AIMP2: variants seen among roughly 807,000 people sequenced by gnomAD.
The protein encoded by AIMP2 is aminoacyl tRNA synthase complex-interacting multifunctional protein 2.
A neutral mutation model predicts 23.4 loss-of-function variants in AIMP2; 20 were observed. The ratio of observed to expected loss-of-function variants is 0.85; its 90% confidence interval spans 0.60 to 1.24. The LOEUF is 1.24. AIMP2 is among the 50% of genes most tolerant of loss of function. The pLI, the probability that AIMP2 is intolerant of heterozygous loss-of-function variation, is 0.00. For missense variants in AIMP2, 515 were observed against 414.5 expected, an observed-to-expected ratio of 1.24 and a Z score of -2.10; for synonymous variants, 210 against 170.4, an observed-to-expected ratio of 1.23 and a Z score of -1.81.
chr7:6,009,340 A>G lies in AIMP2; in HGVS notation c.-24A>G. The stretch of plus-strand genomic sequence containing the variant: ...TGAGCGTTGGCCTTTGGCACGCGCT[A>G]CCCCCTTTTGCTTTGGTTCTGCCAT... On this transcript the variant is annotated 5_prime_UTR_variant, in exon 1 of 4. Transcript: ENST00000223029. 2 of 1,611,674 alleles carry G rather than the reference A, an allele frequency of 1.2e-6. No individual in the cohort carries two copies. Among genetic ancestry groups the G allele is most frequent in the South Asian group, 1.1e-5 (1 of 90,986 alleles).
intron 3 of AIMP2, among the ~76,000 whole-genome samples, chr7:6,019,782 G>A (rs939599044): frequency 2.6e-5 from 4 of 152,048 alleles, no homozygotes; most frequent in Non-Finnish European, 4.4e-5. Context: ...CCAGAACTTT[G>A]GGAGAACGAG....
At chr7:6,009,624 G>GGT in intron 1 of AIMP2, 126 bp downstream of exon 1, 1 of 812,796 alleles carries the variant, frequency 1.2e-6, no homozygotes, top group Non-Finnish European at 1.7e-6. Context: ...TGTGCCGGCC[G>GGT]GCCAGGGACT....
chr7:6,019,881 G>A (rs1011432559), intron 3 of AIMP2, among the ~76,000 whole-genome samples: 3 of 151,936 alleles, frequency 2.0e-5, no homozygotes, highest in African/African-American at 7.3e-5. Flanking sequence ...AATTAGCTGG[G>A]CGTGGTGGTG....
intron 2 of AIMP2, 101 bp from the exon 3 acceptor site, chr7:6,017,713 G>A (rs966220352): frequency 3.1e-5 from 31 of 989,336 alleles, no homozygotes; most frequent in East Asian, 7.9e-5. Context: ...TGGAAGTGGC[G>A]GAGTCGGTTA....
intron 1 of AIMP2, among the ~76,000 whole-genome samples, chr7:6,011,597 T>C (rs993132837): frequency 2.6e-5 from 4 of 152,220 alleles, no homozygotes; most frequent in Non-Finnish European, 4.4e-5. Flanking sequence ...TTTTCTTTAA[T>C]GGCTTTCTGC....
intron 1 of AIMP2, among the ~76,000 whole-genome samples, chr7:6,010,264 T>C (rs928476405): frequency 2.8e-4 from 42 of 151,850 alleles, no homozygotes; most frequent in Admixed American, 6.6e-4. Flanking sequence ...TTTGAGGAAT[T>C]ACAAAGCGAA....
At chr7:6,012,139 G>C (rs1786727301) in intron 1 of AIMP2, among the ~76,000 whole-genome samples, 1 of 151,874 alleles carries the variant, frequency 6.6e-6, no homozygotes, top group African/African-American at 2.4e-5. Flanking sequence ...TGTAGTTCCA[G>C]CTACTCAGGA....
chr7:6,017,805 T>C lies in AIMP2; in HGVS notation c.343-9T>C. 6.2e-6 allele frequency: 10 copies of C among 1,610,662 alleles called. No individual in the cohort carries two copies. The highest frequency in any genetic ancestry group is 2.2e-5 in the East Asian group (1 of 44,754). ...CTGTTATTCGTACATTGTCTTGGTC[T>C]TTCCCCAGGATTACGGGGCGCTGAA... On this transcript the variant is annotated splice_polypyrimidine_tract_variant and intron_variant, in intron 2 of 3. Coordinates refer to ENST00000223029, the MANE Select transcript of AIMP2 (RefSeq NM_006303.4).
chr7:6,019,808 G>C (rs1191538995), intron 3 of AIMP2, among the ~76,000 whole-genome samples: 1 of 152,036 alleles, frequency 6.6e-6, no homozygotes, highest in Non-Finnish European at 1.5e-5. Context: ...CAGATCACGA[G>C]GTTAAGAGAT....
In AIMP2 at chr7:6,023,519, G is replaced by A. The variant is rs777357626; in HGVS notation, c.791G>A (p.Gly264Glu). Residue 264 changes from glycine to glutamate, a missense_variant, in exon 4 of 4, where the codon GGG becomes GAG. Transcript: ENST00000223029. ...TTCCGCTCCATGAACTCTGCTCTTGGGAAGAGCCCTTGGCTCGCTGGGAAT... is the reference window on the plus strand; with the variant it reads ...TTCCGCTCCATGAACTCTGCTCTTGAGAAGAGCCCTTGGCTCGCTGGGAAT... ...AVFRSMNSAL[G>E]KSPWLAGNEL... 1.2e-6 allele frequency: 2 copies of A among 1,614,090 alleles called. No individual in the cohort carries two copies. The highest frequency in any genetic ancestry group is 1.7e-6 in the Non-Finnish European group (2 of 1,180,040).
At chr7:6,022,177 G>C (rs1223447923) in intron 3 of AIMP2, 2 of 152,234 alleles carry the variant, frequency 1.3e-5, no homozygotes, top group Admixed American at 1.3e-4. Flanking sequence ...CTGGGCTCAA[G>C]TGATCCTCCC....
intron 1 of AIMP2, among the ~76,000 whole-genome samples, chr7:6,013,979 G>A (rs1786862286): frequency 6.6e-6 from 1 of 151,460 alleles, no homozygotes; most frequent in Admixed American, 6.6e-5. Flanking sequence ...ACAAGAAAAT[G>A]ATTTGTGGAA....
At chr7:6,012,963 A>T in intron 1 of AIMP2, 1 of 987,678 alleles carries the variant, frequency 1.0e-6, no homozygotes, top group Non-Finnish European at 1.2e-6. Context: ...AGGAGAGGTG[A>T]GAAAGTGCTG....
chr7:6,009,974 A>AATATACATATATATATAT, intron 1 of AIMP2, among the ~76,000 whole-genome samples: 1 of 26,674 alleles, frequency 3.7e-5, no homozygotes, highest in Non-Finnish European at 6.8e-5. Flanking sequence ...AAAAAAAAAA[A>AATATACATATATATATAT]ATATATATAT....
At chr7:6,012,910 TC>T in intron 1 of AIMP2, 5 of 989,288 alleles carry the variant, frequency 5.1e-6, no homozygotes, top group Non-Finnish European at 6.0e-6. Context: ...TCAGTGGACT[TC>T]ACATTTCTCT....
Position 6,015,258 on chromosome 7 carries a change from C to G in AIMP2, c.248C>G (p.Pro83Arg). The change falls in exon 2 of 4, where the codon CCA becomes CGA. Residue 83 changes from proline to arginine, a missense_variant. Pro to Arg is a moderately radical substitution (Grantham distance 103). Transcript: ENST00000223029. ...GGCCTCTCCAAGATGATTCAAACACCAGATGCAGACTTGGATGTAACCAAC... is the reference window on the plus strand; with the variant it reads ...GGCCTCTCCAAGATGATTCAAACACGAGATGCAGACTTGGATGTAACCAAC... Reference protein sequence around the residue: ...VDGLSKMIQTPDADLDVTNII... With the variant: ...VDGLSKMIQTRDADLDVTNII... The G allele has an allele frequency of 6.2e-7, 1 of 1,614,132 alleles. No individual in the cohort carries two copies. The highest frequency in any genetic ancestry group is 1.1e-5 in the South Asian group (1 of 91,092).
chr7:6,017,602 G>C (rs151328955), intron 2 of AIMP2, among the ~76,000 whole-genome samples: 1 of 152,026 alleles, frequency 6.6e-6, no homozygotes, highest in Admixed American at 6.6e-5. Context: ...TGGGGGTAAG[G>C]GGGTGGAGTC....
At chr7:6,013,078 G>A (rs1014195183) in intron 1 of AIMP2, 2 of 715,324 alleles carry the variant, frequency 2.8e-6, no homozygotes, top group Non-Finnish European at 1.7e-6. Flanking sequence ...GAGCCAGGGT[G>A]GTGGTTTAGG....
At chr7:6,013,500 A>T (rs905068457) in intron 1 of AIMP2, among the ~76,000 whole-genome samples, 1 of 152,052 alleles carries the variant, frequency 6.6e-6, no homozygotes, top group Admixed American at 6.6e-5. Context: ...ACCTCAGGTG[A>T]TCTGCCCCTC....
Sources: allele counts gnomAD v4.1 joint callset (sites outside exome capture counted in the v4.1 genomes callset), GRCh38; gene constraint gnomAD v4.1.1; transcripts MANE v1.5; gene names NCBI Gene and HGNC (gene_info 2026-07-23, HGNC 2026-07-21).